The following CNNM2 variants were observed in gnomAD, a reference collection of about 807,000 sequenced individuals.
CNNM2 encodes the protein cyclin and CBS domain divalent metal cation transport mediator 2.
CNNM2 carries 12 observed loss-of-function variants against 66.9 expected under a neutral mutation model. The ratio of observed to expected loss-of-function variants is 0.18; its 90% CI spans 0.11 to 0.29. The LOEUF is 0.29. Among genes scored for constraint, CNNM2 ranks in the 10% least tolerant of loss-of-function variants. The probability of loss-of-function intolerance (pLI) is 1.00; values close to 1 mark genes in which losing one functional copy is unlikely to be tolerated. For missense variants in CNNM2, 705 were observed against 1,167.7 expected (o/e 0.60, Z 5.77); for synonymous variants, 557 against 501.8 (o/e 1.11, Z -1.47).
At chr10:102,949,377 G>A (rs1214076805) in intron 1 of CNNM2, among the ~76,000 whole-genome samples, 2 of 151,704 alleles carry the variant, frequency 1.3e-5, no homozygotes, top group Non-Finnish European at 2.9e-5. Context: ...GTTTCTCCAT[G>A]TTGGTCAGGC....
At chr10:102,984,741 C>T (rs1022292609) in intron 1 of CNNM2, among the ~76,000 whole-genome samples, 5 of 151,516 alleles carry the variant, frequency 3.3e-5, no homozygotes, top group African/African-American at 1.2e-4. Flanking sequence ...CTCACTGCAA[C>T]CTCTGCCTCC....
chr10:102,965,001 C>T (rs984110187), intron 1 of CNNM2, among the ~76,000 whole-genome samples: 21 of 152,194 alleles, frequency 1.4e-4, no homozygotes, highest in South Asian at 8.3e-4. Flanking sequence ...ACACAGCGTT[C>T]CTCCCCTCCA....
intron 1 of CNNM2, among the ~76,000 whole-genome samples, chr10:103,006,343 A>T (rs1229070078): frequency 6.6e-6 from 1 of 151,348 alleles, no homozygotes; most frequent in Non-Finnish European, 1.5e-5. Flanking sequence ...AGTAGCTGGG[A>T]TTATAGGCAC....
At chr10:103,023,423 C>A (rs982045680) in intron 1 of CNNM2, among the ~76,000 whole-genome samples, 1 of 152,154 alleles carries the variant, frequency 6.6e-6, no homozygotes, top group Non-Finnish European at 1.5e-5. Context: ...TGGTGAGTAC[C>A]TGTAATCCCA....
chr10:103,050,008 A>G (rs1460148149), intron 2 of CNNM2, among the ~76,000 whole-genome samples, 158 bp downstream of exon 2: 1 of 152,132 alleles, frequency 6.6e-6, no homozygotes, highest in African/African-American at 2.4e-5. Context: ...CAGTCCTTTT[A>G]TCAGAAGGAG....
intron 1 of CNNM2, among the ~76,000 whole-genome samples, chr10:102,995,501 C>T (rs1187552847): frequency 1.3e-5 from 2 of 151,920 alleles, no homozygotes; most frequent in Non-Finnish European, 2.9e-5. Context: ...GTGTGAGCCA[C>T]ACCTGTCCTT....
Position 102,993,939 on chromosome 10 carries a change from C to T in CNNM2, c.1622-55768C>T, listed in dbSNP as rs550108666. Among the ~76,000 whole-genome samples the T allele has an allele frequency of 9.9e-5, 15 of 151,650 alleles. 1 individual carries two copies. In the South Asian group the frequency reaches 3.1e-3, roughly 32 times the overall value. On this transcript the variant is annotated intron_variant, in intron 1 of 7. Coordinates refer to ENST00000369878, the MANE Select transcript of CNNM2 (RefSeq NM_017649.5). ...CTGGCTTTATGTCAAAATCTTTTTTCTGTGTGTGTGTGAGTGTGACAGAGT... is the reference window on the plus strand; with the variant it reads ...CTGGCTTTATGTCAAAATCTTTTTTTTGTGTGTGTGTGAGTGTGACAGAGT...
chr10:103,089,165 A>G lies in CNNM2; in HGVS notation c.*11985A>G, dbSNP rs1172244568. Reference sequence around the variant, plus strand: ...GTCACTGAGGATGAATTAAAGGCTTATAAAAGAAAACTTGACCTTAACAGA... The same window carrying G: ...GTCACTGAGGATGAATTAAAGGCTTGTAAAAGAAAACTTGACCTTAACAGA... On this transcript the variant is annotated 3_prime_UTR_variant, in exon 8 of 8. Coordinates refer to ENST00000369878, the MANE Select transcript of CNNM2 (RefSeq NM_017649.5). 2.7e-5 allele frequency: 6 copies of G among 226,022 alleles called. No homozygotes were observed. Among genetic ancestry groups the G allele is most frequent in the Non-Finnish European group, 4.4e-5 (5 of 113,628 alleles). 14.0% of individuals were successfully genotyped at this position (226,022 alleles called of 1,614,324 possible).
At chr10:103,052,852 C>T (rs1183900288) in intron 2 of CNNM2, among the ~76,000 whole-genome samples, 1 of 152,186 alleles carries the variant, frequency 6.6e-6, no homozygotes, top group Non-Finnish European at 1.5e-5. Flanking sequence ...TTGGGAGTGA[C>T]AGCTGTTGCC....
intron 1 of CNNM2, among the ~76,000 whole-genome samples, chr10:103,031,477 A>G (rs921561852): frequency 3.3e-5 from 5 of 152,176 alleles, no homozygotes; most frequent in African/African-American, 1.2e-4. Context: ...TGTCACTCAA[A>G]GGTACAAGCC....
intron 1 of CNNM2, among the ~76,000 whole-genome samples, chr10:103,037,696 G>A (rs2064967338): frequency 1.3e-5 from 2 of 152,122 alleles, no homozygotes; most frequent in African/African-American, 2.4e-5. Context: ...GTAGTTTTAG[G>A]ACAAATATAA....
intron 1 of CNNM2, among the ~76,000 whole-genome samples, chr10:102,966,185 G>A (rs1455257446): frequency 1.4e-5 from 2 of 147,998 alleles, no homozygotes; most frequent in Non-Finnish European, 3.1e-5. Context: ...GGAAAAATCT[G>A]GAATAAATAA....
intron 2 of CNNM2, 91 bp downstream of exon 2, chr10:103,049,941 C>G: frequency 7.7e-7 from 1 of 1,295,620 alleles, no homozygotes; most frequent in Non-Finnish European, 1.1e-6. Flanking sequence ...CAGTTGCTGC[C>G]TCTGTTTATA....
chr10:102,950,010 T>C (rs1846769182), intron 1 of CNNM2, among the ~76,000 whole-genome samples: 1 of 152,158 alleles, frequency 6.6e-6, no homozygotes, highest in Non-Finnish European at 1.5e-5. Flanking sequence ...ACGACCACTA[T>C]AGAACTTACT....
intron 1 of CNNM2, among the ~76,000 whole-genome samples, chr10:103,032,142 C>G (rs2064836764): frequency 6.6e-6 from 1 of 152,150 alleles, no homozygotes; most frequent in Non-Finnish European, 1.5e-5. Context: ...TACACATTTT[C>G]TCTTGTTAGA....
intron 1 of CNNM2, among the ~76,000 whole-genome samples, chr10:102,998,462 G>A (rs917059655): frequency 2.6e-5 from 4 of 152,066 alleles, no homozygotes; most frequent in African/African-American, 7.2e-5. Context: ...GATCCTTCAC[G>A]TATATATGCG....
chr10:103,026,689 T>G (rs1162297187), intron 1 of CNNM2, among the ~76,000 whole-genome samples: 1 of 151,010 alleles, frequency 6.6e-6, no homozygotes, highest in Non-Finnish European at 1.5e-5. Context: ...GAGTTTAGAA[T>G]GCAGAGTACT....
At chr10:103,052,318 T>C (rs1181499924) in intron 2 of CNNM2, among the ~76,000 whole-genome samples, 1 of 150,176 alleles carries the variant, frequency 6.7e-6, no homozygotes, top group Non-Finnish European at 1.5e-5. Context: ...AAACCGAGTG[T>C]GTCTGTATTT....
At position 103,089,998 on chromosome 10, in the gene CNNM2, A is replaced by C; in HGVS notation, c.*12818A>C. 4.2e-6 allele frequency: 4 copies of C among 958,190 alleles called. No homozygotes were observed. Among genetic ancestry groups the C allele is most frequent in the Non-Finnish European group, 6.1e-6 (4 of 652,682 alleles). 59.4% of individuals were successfully genotyped at this position (958,190 alleles called of 1,614,324 possible). On this transcript the variant is annotated 3_prime_UTR_variant, in exon 8 of 8. Transcript: ENST00000369878. ...AACCCCTCTCCTCTGTTAGGTGGCCATGCAATTACATCTATAATGGACCAC... is the reference window on the plus strand; with the variant it reads ...AACCCCTCTCCTCTGTTAGGTGGCCCTGCAATTACATCTATAATGGACCAC...
Sources: allele counts gnomAD v4.1 joint callset (sites outside exome capture counted in the v4.1 genomes callset), GRCh38; gene constraint gnomAD v4.1.1; transcripts MANE v1.5; gene names NCBI Gene and HGNC (gene_info 2026-07-23, HGNC 2026-07-21).